Variants in CYP7B1 observed in about 807,000 individuals in gnomAD.
CYP7B1 encodes cytochrome P450 7B1.
Under a neutral mutation model 42.7 loss-of-function variants are expected in CYP7B1, and 29 were observed. The ratio of observed to expected loss-of-function variants is 0.68; its 90% CI spans 0.51 to 0.93. CYP7B1 has a LOEUF of 0.93. CYP7B1 is among the 40% of genes least tolerant of loss of function. The probability of loss-of-function intolerance (pLI) is 0.00; values close to 1 mark genes in which losing one functional copy is unlikely to be tolerated. For missense variants in CYP7B1, 655 were observed against 600.5 expected, an observed-to-expected ratio of 1.09 and a Z score of -0.95; for synonymous variants, 235 against 218.2, an observed-to-expected ratio of 1.08 and a Z score of -0.68.
chr8:64,743,283 C>T (rs1174046906), intron 1 of CYP7B1, among the ~76,000 whole-genome samples: 1 of 152,154 alleles, frequency 6.6e-6, no homozygotes, highest in East Asian at 1.9e-4. Flanking sequence ...ATTAGGCTTA[C>T]TTAGTAGGCT....
In CYP7B1 at chr8:64,616,215, A is replaced by G; in HGVS notation, c.326T>C (p.Leu109Ser). ...TTTATTAGAAAATACTCGAAAGCTT[A>G]ATTGTTTATGATTTTTTATCACTAG... is the stretch of plus-strand genomic sequence containing the variant. ...YQLVIKNHKQ[L>S]SFRVFSNKLL... Residue 109 changes from leucine (L) to serine (S), a missense_variant, in exon 3 of 6, where the codon TTA (leucine) becomes TCA (serine). By Grantham distance (145) the Leu-to-Ser change is moderately radical. Transcript: ENST00000310193. The G allele has an allele frequency of 1.2e-6, 2 of 1,611,176 alleles. No individual in the cohort carries two copies. Among genetic ancestry groups the G allele is most frequent in the Non-Finnish European group, 1.7e-6 (2 of 1,178,698 alleles).
chr8:64,754,644 CATGGGAAG>C (rs1191256602), intron 1 of CYP7B1, among the ~76,000 whole-genome samples: 1 of 151,972 alleles, frequency 6.6e-6, no homozygotes, highest in Non-Finnish European at 1.5e-5. Flanking sequence ...AAGGCTAGGC[CATGGGAAG>C]AAGGCAAGGT....
chr8:64,750,263 C>T (rs964519995), intron 1 of CYP7B1, among the ~76,000 whole-genome samples: 1 of 152,078 alleles, frequency 6.6e-6, no homozygotes, highest in Admixed American at 6.6e-5. Context: ...CCACCTTTAC[C>T]TCACTTTAAA....
intron 1 of CYP7B1, among the ~76,000 whole-genome samples, chr8:64,716,312 C>G (rs1050259113): frequency 1.3e-5 from 2 of 152,214 alleles, no homozygotes; most frequent in Admixed American, 6.5e-5. Flanking sequence ...AGATCTTTCA[C>G]TTCTCTCAGC....
At chr8:64,771,047 C>CTTTT (rs757503820) in intron 1 of CYP7B1, among the ~76,000 whole-genome samples, 5,637 of 42,478 alleles carry the variant, frequency 0.13, 2,194 homozygotes, top group Non-Finnish European at 0.18. Context: ...ATATCAGCAT[C>CTTTT]TTTTTTTTTT....
intron 1 of CYP7B1, among the ~76,000 whole-genome samples, chr8:64,794,275 G>A (rs1804669943): frequency 6.6e-6 from 1 of 152,124 alleles, no homozygotes; most frequent in Non-Finnish European, 1.5e-5. Context: ...GCATCTTCAG[G>A]GAAGACCCCA....
intron 1 of CYP7B1, among the ~76,000 whole-genome samples, chr8:64,763,193 C>A (rs1016118795): frequency 6.6e-6 from 1 of 152,204 alleles, no homozygotes; most frequent in East Asian, 1.9e-4. Flanking sequence ...TGCTCCTGAT[C>A]GGGCTAAAGG....
Position 64,798,548 on chromosome 8 carries a change from G to A in CYP7B1, c.40C>T (p.Leu14=). Residue 14 remains leucine, a synonymous_variant, in exon 1 of 6, where the codon CTG becomes TTG. Transcript: ENST00000310193. ...EVSAATGRFS[L]ERLGLPGLAL... Reference sequence around the variant, plus strand: ...AGGCCCGGGAGGCCCAACCGCTCCAGCGAAAAGCGGCCCGTGGCCGCGGAC... The same window carrying A: ...AGGCCCGGGAGGCCCAACCGCTCCAACGAAAAGCGGCCCGTGGCCGCGGAC... 4 of 1,494,640 alleles carry A rather than the reference G, an allele frequency of 2.7e-6. No individual in the cohort carries two copies. The highest frequency in any genetic ancestry group is 3.5e-6 in the Non-Finnish European group (4 of 1,131,082). The allele number at this position is 1,494,640 out of a possible 1,614,324, so 92.6% of individuals were successfully genotyped here. A position where few individuals can be genotyped will look rare whatever the true frequency, so the allele number is the denominator to read the frequency against.
rs1480822941 is a variant in CYP7B1, at chr8:64,614,240, C to T, written c.1057+786G>A. On this transcript the variant is annotated intron_variant, in intron 4 of 5. Coordinates refer to ENST00000310193, the MANE Select transcript of CYP7B1 (RefSeq NM_004820.5). ...TTTAATTTGCAGCGTGCTAATTAAA[C>T]GAAATCTGCTGCGATTAAAAGCTCC... 3.9e-5 allele frequency among the ~76,000 whole-genome samples: 6 copies of T among 152,128 alleles called. No individual in the cohort carries two copies. The South Asian group carries it at 1.0e-3, about 26-fold the overall frequency.
Position 64,615,082 on chromosome 8 carries a change from C to G in CYP7B1, c.1001G>C (p.Gly334Ala), listed in dbSNP as rs1221276412. The change falls in exon 4 of 6, where the codon GGG becomes GCG. Residue 334 changes from glycine (G) to alanine (A), a missense_variant. Physicochemically the swap from Gly to Ala is moderately conservative, Grantham distance 60. Transcript: ENST00000310193. Reference sequence around the variant, plus strand: ...GGTGAGGTGGATGGGAAATCCAGACCCTTTCTTTTGACCTGTTGACTGCAG... The same window carrying G: ...GGTGAGGTGGATGGGAAATCCAGACGCTTTCTTTTGACCTGTTGACTGCAG... The part of the protein sequence containing the change: ...RLLQSTGQKK[G>A]SGFPIHLTRE... The G allele has an allele frequency of 1.9e-6, 3 of 1,613,430 alleles. No homozygotes were observed. Among genetic ancestry groups the G allele is most frequent in the Non-Finnish European group, 2.5e-6 (3 of 1,179,744 alleles).
intron 1 of CYP7B1, among the ~76,000 whole-genome samples, chr8:64,645,159 A>G (rs372068960): frequency 0.2 from 29,674 of 149,318 alleles, 3,858 homozygotes; most frequent in Non-Finnish European, 0.3. Context: ...CCAGTCTATC[A>G]TTGTTGGACA....
At chr8:64,787,546 A>G (rs1432079844) in intron 1 of CYP7B1, among the ~76,000 whole-genome samples, 1 of 152,206 alleles carries the variant, frequency 6.6e-6, no homozygotes, top group Non-Finnish European at 1.5e-5. Context: ...AAGTCTCTAG[A>G]AAGTTCCAAA....
chr8:64,793,160 C>A (rs189213281), intron 1 of CYP7B1, among the ~76,000 whole-genome samples: 1 of 152,122 alleles, frequency 6.6e-6, no homozygotes, highest in Non-Finnish European at 1.5e-5. Flanking sequence ...TCACTAAGGT[C>A]TATTTTGGGT....
At chr8:64,659,347 G>A (rs1806167769) in intron 1 of CYP7B1, among the ~76,000 whole-genome samples, 1 of 152,002 alleles carries the variant, frequency 6.6e-6, no homozygotes, top group Non-Finnish European at 1.5e-5. Flanking sequence ...AAAATTTCAT[G>A]ACTGTCTTTG....
At chr8:64,774,441 T>C (rs1398457072) in intron 1 of CYP7B1, among the ~76,000 whole-genome samples, 1 of 152,170 alleles carries the variant, frequency 6.6e-6, no homozygotes, top group Non-Finnish European at 1.5e-5. Flanking sequence ...GCCTTAGTGA[T>C]TGTTGGAAAA....
intron 1 of CYP7B1, among the ~76,000 whole-genome samples, chr8:64,635,142 T>C (rs1347967056): frequency 1.3e-5 from 2 of 152,252 alleles, no homozygotes; most frequent in African/African-American, 2.4e-5. Context: ...TTTCCCCTTG[T>C]TGAGTAAAGT....
At chr8:64,642,833 C>T (rs1805877754) in intron 1 of CYP7B1, among the ~76,000 whole-genome samples, 1 of 151,980 alleles carries the variant, frequency 6.6e-6, no homozygotes, top group African/African-American at 2.4e-5. Flanking sequence ...ACTCAACATC[C>T]ATCTTGGGAC....
chr8:64,638,984 A>G (rs1333108812), intron 1 of CYP7B1, among the ~76,000 whole-genome samples: 1 of 152,116 alleles, frequency 6.6e-6, no homozygotes, highest in Non-Finnish European at 1.5e-5. Context: ...AATAGGAAGC[A>G]TTAAAAACAA....
chr8:64,592,892 T>C lies in CYP7B1; in HGVS notation c.*3750A>G, dbSNP rs567025560. Among the ~76,000 whole-genome samples the C allele has an allele frequency of 1.3e-5, 2 of 152,356 alleles. No homozygotes were observed. The highest frequency in any genetic ancestry group is 3.9e-4 in the East Asian group (2 of 5,194). ...GATTTGTCCAGGACATGTTTTTCTA[T>C]TTGTAAATACTATTTAGTTACTGGA... On this transcript the variant is annotated 3_prime_UTR_variant, in exon 6 of 6. Coordinates refer to ENST00000310193, the MANE Select transcript of CYP7B1 (RefSeq NM_004820.5).
Sources: gnomAD v4.1 joint callset for allele counts (sites outside exome capture counted in the v4.1 genomes callset) on GRCh38, gnomAD v4.1.1 for gene constraint, MANE v1.5 for transcripts, NCBI Gene and HGNC (gene_info 2026-07-23, HGNC 2026-07-21) for gene names.